CCDC192: variants seen among roughly 807,000 people sequenced by gnomAD.
CCDC192 encodes coiled-coil domain containing 192.
At chr5:127,731,144 G>A (rs1391983393) in intron 2 of CCDC192, among the ~76,000 whole-genome samples, 2 of 152,190 alleles carry the variant, frequency 1.3e-5, no homozygotes, top group African/African-American at 4.8e-5. Flanking sequence ...AGCTTCTTAA[G>A]CTGATAAGCA....
At chr5:127,758,295 T>C (rs1754726855) in intron 3 of CCDC192, among the ~76,000 whole-genome samples, 1 of 152,098 alleles carries the variant, frequency 6.6e-6, no homozygotes, top group Non-Finnish European at 1.5e-5. Context: ...AGAAAAAAAT[T>C]AGAAATAGCC....
chr5:127,797,068 G>C, intron 3 of CCDC192, 35 bp from the exon 4 acceptor site: 1 of 395,620 alleles, frequency 2.5e-6, no homozygotes, highest in Non-Finnish European at 4.5e-6. Flanking sequence ...AAATATCACT[G>C]TACTTACATA....
intron 3 of CCDC192, among the ~76,000 whole-genome samples, chr5:127,763,593 T>A (rs1480949051): frequency 6.6e-6 from 1 of 152,116 alleles, no homozygotes; most frequent in Non-Finnish European, 1.5e-5. Context: ...ACTGTCAGGG[T>A]CAAATCTGTC....
At chr5:127,762,655 G>T (rs1405247262) in intron 3 of CCDC192, among the ~76,000 whole-genome samples, 1 of 152,138 alleles carries the variant, frequency 6.6e-6, no homozygotes, top group Non-Finnish European at 1.5e-5. Context: ...AGATCAAACA[G>T]AGGTCAGTTT....
At chr5:127,744,203 G>C (rs1418682481) in intron 2 of CCDC192, among the ~76,000 whole-genome samples, 1 of 151,982 alleles carries the variant, frequency 6.6e-6, no homozygotes, top group Non-Finnish European at 1.5e-5. Context: ...ATCATGAAAG[G>C]GGAGCGGGGA....
chr5:127,769,007 G>A (rs1468707619), intron 3 of CCDC192, among the ~76,000 whole-genome samples: 3 of 152,210 alleles, frequency 2.0e-5, no homozygotes, highest in African/African-American at 7.2e-5. Flanking sequence ...TCCTTTCTCT[G>A]TAGCATGAGC....
At chr5:127,891,024 C>G (rs1752716538) in intron 6 of CCDC192, among the ~76,000 whole-genome samples, 1 of 152,152 alleles carries the variant, frequency 6.6e-6, no homozygotes, top group African/African-American at 2.4e-5. Flanking sequence ...CTCTTCATCC[C>G]CTCTATGTAC....
At chr5:127,779,247 A>T (rs906444823) in intron 3 of CCDC192, among the ~76,000 whole-genome samples, 2 of 152,152 alleles carry the variant, frequency 1.3e-5, no homozygotes, top group Admixed American at 1.3e-4. Context: ...ATATATATAG[A>T]TACATTTTAT....
chr5:127,910,123 C>T (rs1170623224), intron 6 of CCDC192, among the ~76,000 whole-genome samples: 1 of 152,184 alleles, frequency 6.6e-6, no homozygotes, highest in Non-Finnish European at 1.5e-5. Context: ...TTCTGAGCCT[C>T]CAAAGCCTCA....
chr5:127,717,928 C>CAAAAAAAAAAAAAAAAAA, intron 2 of CCDC192, among the ~76,000 whole-genome samples: 5 of 98,062 alleles, frequency 5.1e-5, no homozygotes, highest in African/African-American at 1.6e-4. Flanking sequence ...TAAAGCTAGA[C>CAAAAAAAAAAAAAAAAAA]AAAAAAAAAA....
intron 4 of CCDC192, among the ~76,000 whole-genome samples, 153 bp from the exon 5 acceptor site, chr5:127,797,953 G>A (rs905639526): frequency 6.6e-6 from 1 of 151,546 alleles, no homozygotes; most frequent in Admixed American, 6.6e-5. Flanking sequence ...AGGAATGGGG[G>A]GATGATTTCT....
chr5:127,771,896 C>A (rs145931627), intron 3 of CCDC192, among the ~76,000 whole-genome samples: 2 of 152,154 alleles, frequency 1.3e-5, no homozygotes, highest in African/African-American at 4.8e-5. Flanking sequence ...GGATTCTCCA[C>A]GAGGCCAGAG....
chr5:127,868,614 T>C (rs1386746985), intron 5 of CCDC192, among the ~76,000 whole-genome samples: 2 of 152,204 alleles, frequency 1.3e-5, no homozygotes, highest in African/African-American at 2.4e-5. Flanking sequence ...CCAGGTGTGA[T>C]GGCTAATGCC....
chr5:127,923,522 C>T (rs1470545616), intron 6 of CCDC192, among the ~76,000 whole-genome samples: 4 of 152,060 alleles, frequency 2.6e-5, no homozygotes, highest in Admixed American at 6.5e-5. Context: ...GGACTACAGG[C>T]GCCCGCCACC....
At chr5:127,879,048 A>G (rs12332552) in intron 6 of CCDC192, among the ~76,000 whole-genome samples, 105,491 of 149,224 alleles carry the variant, frequency 0.71, 37,586 homozygotes, top group African/African-American at 0.81. Flanking sequence ...ATTTTTGTAC[A>G]TTGATTTTGT....
intron 6 of CCDC192, among the ~76,000 whole-genome samples, chr5:127,915,392 T>C (rs1410059914): frequency 6.6e-6 from 1 of 152,224 alleles, no homozygotes; most frequent in East Asian, 1.9e-4. Context: ...ACTTTCTTTT[T>C]TTTGTTTTTG....
intron 6 of CCDC192, among the ~76,000 whole-genome samples, chr5:127,909,610 T>G (rs1278708273): frequency 1.3e-5 from 2 of 152,158 alleles, no homozygotes; most frequent in African/African-American, 4.8e-5. Flanking sequence ...ATTCATTCAT[T>G]GTCACATTGC....
chr5:127,884,236 G>T (rs1044544356), intron 6 of CCDC192, among the ~76,000 whole-genome samples: 1 of 151,108 alleles, frequency 6.6e-6, no homozygotes, highest in Non-Finnish European at 1.5e-5. Flanking sequence ...CCAGCTACTC[G>T]GGAGGCTGAG....
At chr5:127,929,486 G>C (rs577804091) in intron 6 of CCDC192, among the ~76,000 whole-genome samples, 9 of 152,098 alleles carry the variant, frequency 5.9e-5, no homozygotes, top group Non-Finnish European at 1.2e-4. Flanking sequence ...GTCAAAATTT[G>C]GTACAATAAA....
Sources: allele counts gnomAD v4.1 joint callset (sites outside exome capture counted in the v4.1 genomes callset), GRCh38; gene constraint gnomAD v4.1.1; transcripts MANE v1.5; gene names NCBI Gene and HGNC (gene_info 2026-07-23, HGNC 2026-07-21).